Variants in STPG2 observed in about 807,000 individuals in gnomAD.
STPG2 encodes sperm-tail PG-rich repeat-containing protein 2.
STPG2 carries 56 observed loss-of-function variants against 54.2 expected under a neutral mutation model. That is an observed-to-expected ratio of 1.03 (90% CI 0.83 to 1.29). The LOEUF (loss-of-function observed/expected upper bound fraction) is 1.29, where lower values mean the gene tolerates loss of function less well. STPG2 is among the 50% of genes most tolerant of loss of function. The pLI is 0.00. For missense variants in STPG2, 596 were observed against 544.9 expected, an observed-to-expected ratio of 1.09 and a Z score of -0.93; for synonymous variants, 200 against 181.8, an observed-to-expected ratio of 1.10 and a Z score of -0.81.
At chr4:97,672,721 G>T (rs529797176) in intron 10 of STPG2, among the ~76,000 whole-genome samples, 1 of 152,282 alleles carries the variant, frequency 6.6e-6, no homozygotes, top group South Asian at 2.1e-4. Context: ...ACATGACTGA[G>T]TTTATTCTAA....
intron 8 of STPG2, among the ~76,000 whole-genome samples, chr4:97,900,552 G>C (rs889819316): frequency 2.6e-5 from 4 of 151,884 alleles, no homozygotes; most frequent in African/African-American, 9.7e-5. Flanking sequence ...ACTGGATAAA[G>C]AAAATGTGGT....
intron 8 of STPG2, among the ~76,000 whole-genome samples, chr4:97,851,519 G>C (rs1430115232): frequency 6.6e-6 from 1 of 152,048 alleles, no homozygotes; most frequent in Non-Finnish European, 1.5e-5. Flanking sequence ...AAAATACAAA[G>C]CTGGCTTTTA....
chr4:98,032,149 C>G (rs1736618398), intron 5 of STPG2, among the ~76,000 whole-genome samples: 2 of 152,302 alleles, frequency 1.3e-5, no homozygotes, highest in South Asian at 4.1e-4. Flanking sequence ...CTATGAAACA[C>G]AGTGTGGAGA....
At position 97,703,938 on chromosome 4, in the gene STPG2, T is replaced by C. The variant is rs559982742; in HGVS notation, c.1320+8761A>G. Among the ~76,000 whole-genome samples, 7 of 151,820 alleles carry C rather than the reference T, an allele frequency of 4.6e-5. No individual in the cohort carries two copies. In the South Asian group the frequency reaches 6.2e-4, roughly 14 times the overall value. On this transcript the variant is annotated intron_variant, in intron 10 of 10. Coordinates refer to ENST00000295268, the MANE Select transcript of STPG2 (RefSeq NM_174952.3). The stretch of plus-strand genomic sequence containing the variant: ...AGTCTGAGTCCCAAAACTGAAGAAC[T>C]TGGGGTCTGAAGTTTGAAGGCAGAA...
chr4:98,029,044 G>A (rs140335090), intron 5 of STPG2, among the ~76,000 whole-genome samples: 1,709 of 152,032 alleles, frequency 0.011, 26 homozygotes, highest in African/African-American at 0.039. Context: ...TGATCAGAGA[G>A]CATATTTTCT....
intron 10 of STPG2, among the ~76,000 whole-genome samples, chr4:97,657,138 C>T (rs1466229037): frequency 6.6e-6 from 1 of 150,930 alleles, no homozygotes; most frequent in Non-Finnish European, 1.5e-5. Flanking sequence ...AAATTTAATG[C>T]AATAATGGAA....
chr4:98,004,497 A>C (rs76260623), intron 5 of STPG2, among the ~76,000 whole-genome samples: 1 of 152,146 alleles, frequency 6.6e-6, no homozygotes, highest in Non-Finnish European at 1.5e-5. Context: ...TCCTTTGTCT[A>C]TATACTCAGA....
intron 4 of STPG2, among the ~76,000 whole-genome samples, chr4:97,518,159 A>C (rs1578357705): frequency 6.6e-6 from 1 of 152,096 alleles, no homozygotes; most frequent in South Asian, 2.1e-4. Context: ...GGCTGACATA[A>C]CTTCTCTCTA....
chr4:97,559,485 G>C (rs908191437), intron 10 of STPG2, among the ~76,000 whole-genome samples: 1 of 152,048 alleles, frequency 6.6e-6, no homozygotes, highest in Non-Finnish European at 1.5e-5. Context: ...TGGCTTACTT[G>C]GTGTTTCTAT....
At chr4:98,106,689 T>C (rs191943046) in intron 4 of STPG2, among the ~76,000 whole-genome samples, 3 of 152,306 alleles carry the variant, frequency 2.0e-5, no homozygotes, top group East Asian at 3.9e-4. Flanking sequence ...CCAATGAATC[T>C]GGTGATTGGA....
intron 9 of STPG2, among the ~76,000 whole-genome samples, chr4:97,724,508 T>C (rs1164325374): frequency 6.6e-6 from 1 of 152,220 alleles, no homozygotes; most frequent in East Asian, 1.9e-4. Flanking sequence ...CATTACTCTT[T>C]TGAAAATGAT....
chr4:97,739,655 G>A (rs557100420), intron 9 of STPG2, among the ~76,000 whole-genome samples: 1 of 152,118 alleles, frequency 6.6e-6, no homozygotes, highest in South Asian at 2.1e-4. Context: ...CCTCCCTAGA[G>A]TAAACCAGGA....
chr4:97,737,043 C>T (rs901141115), intron 9 of STPG2, among the ~76,000 whole-genome samples: 3 of 152,152 alleles, frequency 2.0e-5, no homozygotes, highest in South Asian at 2.1e-4. Context: ...CAGCAGCATT[C>T]GCGGTTCACA....
chr4:97,807,190 G>T (rs1727594906), intron 9 of STPG2, among the ~76,000 whole-genome samples: 1 of 150,852 alleles, frequency 6.6e-6, no homozygotes, highest in African/African-American at 2.4e-5. Flanking sequence ...ATATAATTCA[G>T]ATTTTCACCA....
In STPG2 at chr4:97,801,968, C is replaced by A. The variant is rs1396709649; in HGVS notation, c.1204+38805G>T. Among the ~76,000 whole-genome samples the A allele has an allele frequency of 2.6e-5, 4 of 152,304 alleles. No individual in the cohort carries two copies. In the East Asian group the frequency reaches 5.8e-4, roughly 22 times the overall value. On this transcript the variant is annotated intron_variant, in intron 9 of 10. Coordinates refer to ENST00000295268, the MANE Select transcript of STPG2 (RefSeq NM_174952.3). ...TTTAGTTCAGTGTTTCTCAAACTAGCATGCATTAGAATCACCAGGAGGACT... is the reference window on the plus strand; with the variant it reads ...TTTAGTTCAGTGTTTCTCAAACTAGAATGCATTAGAATCACCAGGAGGACT...
chr4:98,134,535 T>A (rs1270884291), intron 1 of STPG2, 76 bp from the exon 2 acceptor site: 22 of 732,978 alleles, frequency 3.0e-5, no homozygotes, highest in Non-Finnish European at 4.7e-5. Context: ...TCAAAATATA[T>A]ATAATCATGA....
At chr4:97,664,962 G>A (rs4361392) in intron 10 of STPG2, among the ~76,000 whole-genome samples, 243 of 152,224 alleles carry the variant, frequency 1.6e-3, no homozygotes, top group African/African-American at 5.6e-3. Flanking sequence ...GGCTGGCTGC[G>A]GCAGGGTGGA....
At chr4:97,808,559 T>C (rs910275015) in intron 9 of STPG2, among the ~76,000 whole-genome samples, 1 of 151,132 alleles carries the variant, frequency 6.6e-6, no homozygotes, top group Non-Finnish European at 1.5e-5. Context: ...AAATAGAAGA[T>C]AGGCAGGTGA....
At chr4:97,741,061 T>C (rs187046545) in intron 9 of STPG2, among the ~76,000 whole-genome samples, 12,623 of 152,000 alleles carry the variant, frequency 0.083, 663 homozygotes, top group South Asian at 0.21. Flanking sequence ...AAACACCGCA[T>C]ATCTACAACT....
Sources: gnomAD v4.1 joint callset for allele counts (sites outside exome capture counted in the v4.1 genomes callset) on GRCh38, gnomAD v4.1.1 for gene constraint, MANE v1.5 for transcripts, NCBI Gene and HGNC (gene_info 2026-07-23, HGNC 2026-07-21) for gene names.